PLEKHG1: variants seen among roughly 807,000 people sequenced by gnomAD.
The protein encoded by PLEKHG1 is pleckstrin homology domain-containing family G member 1.
A neutral mutation model predicts 100.8 loss-of-function variants in PLEKHG1; 44 were observed. The ratio of observed to expected loss-of-function variants is 0.44; its 90% CI spans 0.34 to 0.56. The LOEUF (loss-of-function observed/expected upper bound fraction) is 0.56, where lower values mean the gene tolerates loss of function less well. Among genes scored for constraint, PLEKHG1 ranks in the 20% least tolerant of loss-of-function variants. The pLI is 0.01. For synonymous variants in PLEKHG1, 640 were observed against 662.5 expected, an observed-to-expected ratio of 0.97 and a Z score of 0.52; for missense variants, 1,545 against 1,720.9, an observed-to-expected ratio of 0.90 and a Z score of 1.81.
chr6:150,809,008 A>C (rs1396476032), intron 7 of PLEKHG1, 97 bp from the exon 9 acceptor site: 1 of 999,534 alleles, frequency 1.0e-6, no homozygotes, highest in East Asian at 2.5e-5. Context: ...CTCAGGGACG[A>C]TTTGGCACCA....
At chr6:150,696,750 A>G (rs952013051) in intron 3 of PLEKHG1, among the ~76,000 whole-genome samples, 2 of 152,174 alleles carry the variant, frequency 1.3e-5, no homozygotes, top group Non-Finnish European at 2.9e-5. Flanking sequence ...AGGTAAGTAT[A>G]TTTTAAAAGT....
chr6:150,755,502 G>A (rs892966796), intron 2 of PLEKHG1, among the ~76,000 whole-genome samples: 2 of 152,168 alleles, frequency 1.3e-5, no homozygotes, highest in African/African-American at 2.4e-5. Flanking sequence ...CTACCTTGCT[G>A]CTCTGGGAAG....
chr6:150,842,222 G>A (rs1272281697), exon 16 of PLEKHG1: 1 of 152,178 alleles, frequency 6.6e-6, no homozygotes, highest in African/African-American at 2.4e-5. Context: ...ATTGAAGACT[G>A]CAATTAATGC....
intron 2 of PLEKHG1, 85 bp downstream of exon 3, chr6:150,734,177 G>A: frequency 2.2e-6 from 3 of 1,359,536 alleles, no homozygotes; most frequent in Non-Finnish European, 3.0e-6. Context: ...AGGTGTAGGG[G>A]ATGTCTTCTA....
At chr6:150,649,881 G>A (rs1006752723) in intron 2 of PLEKHG1, among the ~76,000 whole-genome samples, 3 of 152,128 alleles carry the variant, frequency 2.0e-5, no homozygotes, top group Non-Finnish European at 2.9e-5. Context: ...GCGTGGCGGC[G>A]TGTGCCTGTA....
chr6:150,792,141 T>TA (rs1032283161), intron 4 of PLEKHG1, among the ~76,000 whole-genome samples: 1 of 151,730 alleles, frequency 6.6e-6, no homozygotes, highest in Non-Finnish European at 1.5e-5. Flanking sequence ...TTTTATCCTT[T>TA]AAAAAAAACA....
At chr6:150,628,577 C>CACACACACACACATA (rs3046186) in intron 1 of PLEKHG1, among the ~76,000 whole-genome samples, 3 of 147,310 alleles carry the variant, frequency 2.0e-5, no homozygotes, top group Admixed American at 6.8e-5. Flanking sequence ...CACACACACA[C>CACACACACACACATA]CCCGTCCTTG....
chr6:150,825,302 G>A, intron 14 of PLEKHG1, among the ~76,000 whole-genome samples: 1 of 152,176 alleles, frequency 6.6e-6, no homozygotes, highest in East Asian at 1.9e-4. Context: ...ACAGCCAGGT[G>A]TGGTGGCACA....
rs536424039 is a variant in PLEKHG1 at position 150,698,279 on chromosome 6, C to A, written c.-98-35305C>A. Among the ~76,000 whole-genome samples the A allele has an allele frequency of 2.6e-5, 4 of 152,248 alleles. No individual in the cohort carries two copies. The South Asian group carries it at 8.3e-4, about 32-fold the overall frequency. ...AGTGTTTCCTATGTGTGCAGTTACC[C>A]ACTTGGGAGTCATGTAGATGCTCAA... On this transcript the variant is annotated intron_variant, in intron 3 of 3. Transcript: ENST00000367326.
chr6:150,697,509 A>G (rs9480535), intron 3 of PLEKHG1, among the ~76,000 whole-genome samples: 10,652 of 152,268 alleles, frequency 0.07, 454 homozygotes, highest in South Asian at 0.17. Context: ...GAATTGGGCA[A>G]GTGGTCCTGG....
At chr6:150,647,105 T>A (rs1425912133) in intron 2 of PLEKHG1, among the ~76,000 whole-genome samples, 1 of 152,132 alleles carries the variant, frequency 6.6e-6, no homozygotes, top group Admixed American at 6.6e-5. Context: ...TTAGGGAAAA[T>A]TTTTATGCTT....
chr6:150,709,784 C>T (rs1017919828), intron 3 of PLEKHG1, among the ~76,000 whole-genome samples: 3 of 151,906 alleles, frequency 2.0e-5, no homozygotes, highest in East Asian at 1.9e-4. Context: ...ATGGTGTTTT[C>T]GTTTGTTTGT....
At chr6:150,697,225 T>C (rs1780581068) in intron 3 of PLEKHG1, among the ~76,000 whole-genome samples, 1 of 152,246 alleles carries the variant, frequency 6.6e-6, no homozygotes, top group Non-Finnish European at 1.5e-5. Flanking sequence ...GTAGAACCAT[T>C]ACAAACAATT....
chr6:150,641,623 C>T (rs1778261945), intron 2 of PLEKHG1, among the ~76,000 whole-genome samples: 1 of 151,880 alleles, frequency 6.6e-6, no homozygotes, highest in African/African-American at 2.4e-5. Context: ...CAAAGATTTC[C>T]AGGAAGTGCT....
intron 3 of PLEKHG1, among the ~76,000 whole-genome samples, chr6:150,682,053 C>T (rs1779954096): frequency 6.6e-6 from 1 of 152,180 alleles, no homozygotes; most frequent in Admixed American, 6.5e-5. Context: ...TGATGAGGGG[C>T]AAGCGTGATG....
At chr6:150,673,002 G>A (rs1779629400) in intron 3 of PLEKHG1, among the ~76,000 whole-genome samples, 1 of 152,086 alleles carries the variant, frequency 6.6e-6, no homozygotes, top group Non-Finnish European at 1.5e-5. Flanking sequence ...AGTCATGGTT[G>A]GTTGCATTAT....
At position 150,671,088 on chromosome 6, in the gene PLEKHG1, C is replaced by CATATAT. The variant is rs10566696; in HGVS notation, c.-99+20320_-99+20325dup. Among the ~76,000 whole-genome samples the CATATAT allele has an allele frequency of 9.8e-3, 1,444 of 147,476 alleles. 9 individuals carry two copies. Among genetic ancestry groups the CATATAT allele is most frequent in the Middle Eastern group, 0.025 (7 of 280 alleles). On this transcript the variant is annotated intron_variant, in intron 3 of 3. Transcript: ENST00000367326. ...TTTTTATGGTTACATAGTATTCCAT[C>CATATAT]ATATATATATATATATATATATACA...
chr6:150,715,101 C>T (rs904350713), intron 3 of PLEKHG1, among the ~76,000 whole-genome samples: 48 of 152,168 alleles, frequency 3.2e-4, no homozygotes, highest in Admixed American at 3.9e-4. Context: ...GCCTGGCCTA[C>T]TGACAGGTAT....
chr6:150,792,539 TG>T (rs1162269634), intron 4 of PLEKHG1, among the ~76,000 whole-genome samples: 1 of 151,706 alleles, frequency 6.6e-6, no homozygotes, highest in Non-Finnish European at 1.5e-5. Flanking sequence ...CTGGGTGTGG[TG>T]GTGAGTGCCT....
Sources: gnomAD v4.1 joint callset for allele counts (sites outside exome capture counted in the v4.1 genomes callset) on GRCh38, gnomAD v4.1.1 for gene constraint, MANE v1.5 for transcripts, NCBI Gene and HGNC (gene_info 2026-07-23, HGNC 2026-07-21) for gene names.